The following RNF13 variants were observed in gnomAD, a reference collection of about 807,000 sequenced individuals.
RNF13 encodes E3 ubiquitin-protein ligase RNF13.
RNF13 carries 19 observed loss-of-function variants against 37.7 expected under a neutral mutation model. The ratio of observed to expected loss-of-function variants is 0.50; its 90% CI spans 0.35 to 0.74. The LOEUF is 0.74. Among genes scored for constraint, RNF13 ranks in the 30% least tolerant of loss-of-function variants. RNF13 has a pLI of 0.01. For synonymous variants in RNF13, 144 were observed against 157.8 expected, an observed-to-expected ratio of 0.91 and a Z score of 0.65; for missense variants, 375 against 453.0, an observed-to-expected ratio of 0.83 and a Z score of 1.56.
chr3:149,925,240 CT>C (rs1306006442), intron 8 of RNF13, among the ~76,000 whole-genome samples: 1 of 152,074 alleles, frequency 6.6e-6, no homozygotes, highest in Non-Finnish European at 1.5e-5. Context: ...TTTATCATCA[CT>C]TTTTTCAAAA....
chr3:149,815,142 C>T (rs1292435518), intron 1 of RNF13, among the ~76,000 whole-genome samples: 7 of 152,044 alleles, frequency 4.6e-5, no homozygotes, highest in Non-Finnish European at 1.0e-4. Context: ...GCTTTCTTCC[C>T]TTGATATTTT....
chr3:149,861,601 A>G (rs907765755), intron 3 of RNF13, among the ~76,000 whole-genome samples: 2 of 152,140 alleles, frequency 1.3e-5, no homozygotes, highest in Non-Finnish European at 2.9e-5. Flanking sequence ...TTGAGAGTAG[A>G]TTGATAGATA....
chr3:149,845,989 T>C, intron 1 of RNF13, 22 bp from the exon 2 acceptor site: 3 of 1,329,806 alleles, frequency 2.3e-6, no homozygotes, highest in Non-Finnish European at 3.2e-6. Context: ...AGCTCTCAGT[T>C]ACTCACATCC....
At chr3:149,947,579 T>C (rs549004359) in intron 8 of RNF13, among the ~76,000 whole-genome samples, 4 of 152,062 alleles carry the variant, frequency 2.6e-5, no homozygotes, top group Non-Finnish European at 5.9e-5. Flanking sequence ...TACTTTTTTG[T>C]ATTTTTAGTT....
chr3:149,824,003 C>A (rs973940011), intron 1 of RNF13, among the ~76,000 whole-genome samples: 6 of 152,190 alleles, frequency 3.9e-5, no homozygotes, highest in Admixed American at 3.3e-4. Context: ...CAAGGCAGGA[C>A]TGGAAAATCT....
chr3:149,892,900 C>T (rs952132124), intron 4 of RNF13, among the ~76,000 whole-genome samples: 1 of 152,038 alleles, frequency 6.6e-6, no homozygotes, highest in Non-Finnish European at 1.5e-5. Context: ...AATAGATTAA[C>T]GTAAATACTC....
At chr3:149,882,995 A>G (rs1713598038) in intron 4 of RNF13, among the ~76,000 whole-genome samples, 1 of 152,180 alleles carries the variant, frequency 6.6e-6, no homozygotes. Flanking sequence ...AATAAGCCCC[A>G]TATTTTATGT....
intron 8 of RNF13, among the ~76,000 whole-genome samples, chr3:149,925,859 A>G (rs187193371): frequency 8.7e-4 from 133 of 152,244 alleles, no homozygotes; most frequent in African/African-American, 3.0e-3. Flanking sequence ...CTGTTGTTCT[A>G]TGTATTTATC....
At chr3:149,901,921 A>G (rs549198455) in intron 5 of RNF13, 151 bp from the exon 6 acceptor site, 9 of 428,784 alleles carry the variant, frequency 2.1e-5, no homozygotes, top group African/African-American at 1.9e-4. Flanking sequence ...CATTTTGATG[A>G]TGAATAAAAT....
intron 8 of RNF13, among the ~76,000 whole-genome samples, chr3:149,951,536 TCATTTGCCTGTA>T (rs1721338947): frequency 6.6e-6 from 1 of 152,234 alleles, no homozygotes; most frequent in Non-Finnish European, 1.5e-5. Context: ...CACTCTTTTA[TCATTTGCCTGTA>T]GCTGTATTTG....
chr3:149,835,819 TTGGGATTGCTGGATCCCCAGTAG>T (rs1285261152), intron 1 of RNF13, among the ~76,000 whole-genome samples: 2 of 151,584 alleles, frequency 1.3e-5, no homozygotes, highest in Admixed American at 6.6e-5. Flanking sequence ...TTCTCCTGGG[TTGGGATTGCTGGATCCCCAGTAG>T]TGGGATTGCT....
At chr3:149,936,863 G>A (rs1399142320) in intron 8 of RNF13, among the ~76,000 whole-genome samples, 5 of 152,046 alleles carry the variant, frequency 3.3e-5, no homozygotes, top group South Asian at 2.1e-4. Flanking sequence ...TTCAGGTGTC[G>A]TTTGTTGCAT....
chr3:149,892,307 G>T (rs904753140), intron 4 of RNF13, among the ~76,000 whole-genome samples: 1 of 152,204 alleles, frequency 6.6e-6, no homozygotes, highest in Non-Finnish European at 1.5e-5. Flanking sequence ...GCTTGGTACA[G>T]TTTTAAAAGC....
chr3:149,934,124 A>G (rs1017520187), intron 8 of RNF13, among the ~76,000 whole-genome samples: 20 of 152,060 alleles, frequency 1.3e-4, no homozygotes, highest in Admixed American at 1.2e-3. Context: ...GTACATGTCT[A>G]TGAATTTGCC....
chr3:149,888,238 G>A (rs954889006), intron 4 of RNF13, among the ~76,000 whole-genome samples: 11 of 151,872 alleles, frequency 7.2e-5, no homozygotes, highest in Admixed American at 2.0e-4. Context: ...TATTCTGCAC[G>A]CATTACTGTT....
chr3:149,854,116 A>T (rs1306670162), intron 3 of RNF13, among the ~76,000 whole-genome samples: 1 of 152,068 alleles, frequency 6.6e-6, no homozygotes, highest in Non-Finnish European at 1.5e-5. Context: ...TATTTCAGGC[A>T]TGAGCCACCG....
chr3:149,865,474 G>A (rs912354450), intron 3 of RNF13, among the ~76,000 whole-genome samples: 7 of 151,232 alleles, frequency 4.6e-5, no homozygotes, highest in East Asian at 3.9e-4. Context: ...CTCCTGTTTC[G>A]TTTTTTTGAG....
At chr3:149,943,339 A>G (rs986351216) in intron 8 of RNF13, among the ~76,000 whole-genome samples, 7 of 152,028 alleles carry the variant, frequency 4.6e-5, no homozygotes, top group African/African-American at 9.7e-5. Flanking sequence ...AGCCTTACCA[A>G]TTATCAACAT....
At chr3:149,856,492 G>A (rs557333844) in intron 3 of RNF13, among the ~76,000 whole-genome samples, 29 of 148,654 alleles carry the variant, frequency 2.0e-4, no homozygotes, top group African/African-American at 7.0e-4. Context: ...TGCCCAGCCT[G>A]GAGTGCAGTG....
Sources: allele counts gnomAD v4.1 joint callset (sites outside exome capture counted in the v4.1 genomes callset), GRCh38; gene constraint gnomAD v4.1.1; transcripts MANE v1.5; gene names NCBI Gene and HGNC (gene_info 2026-07-23, HGNC 2026-07-21).